The following DIP2A variants were observed in gnomAD, a reference collection of about 807,000 sequenced individuals.
DIP2A encodes the protein disco-interacting protein 2 homolog A.
DIP2A carries 85 observed loss-of-function variants against 177.4 expected under a neutral mutation model. The observed-to-expected ratio is 0.48, with a 90% CI of 0.40 to 0.57. The LOEUF is 0.57. Ranked by LOEUF, DIP2A falls within the 20% of genes least tolerant of loss-of-function variation. DIP2A has a pLI of 0.00. For missense variants in DIP2A, 1,791 were observed against 2,100.2 expected, an observed-to-expected ratio of 0.85 and a Z score of 2.88; for synonymous variants, 886 against 881.8, an observed-to-expected ratio of 1.00 and a Z score of -0.08.
At chr21:46,462,638 A>G (rs565314646) in intron 1 of DIP2A, 1 of 152,306 alleles carries the variant, frequency 6.6e-6, no homozygotes, top group African/African-American at 2.4e-5. Flanking sequence ...AAATAGTGTA[A>G]CTTTTTTATA....
At position 46,495,361 on chromosome 21, in the gene DIP2A, C is replaced by A. The variant is rs184391381; in HGVS notation, c.284-1627C>A. 2.0e-5 allele frequency among the ~76,000 whole-genome samples: 3 copies of A among 151,414 alleles called. No individual in the cohort carries two copies. In the East Asian group the frequency reaches 5.9e-4, roughly 30 times the overall value. The stretch of plus-strand genomic sequence containing the variant: ...TCGGCTCACCACAATCTCTGCCTCC[C>A]GGGTTCAAACGATTTTCCTGCCTCA... On this transcript the variant is annotated intron_variant, in intron 3 of 37. Coordinates refer to ENST00000417564, the MANE Select transcript of DIP2A (RefSeq NM_015151.4).
chr21:46,551,764 A>T, intron 24 of DIP2A, 21 bp downstream of exon 24: 1 of 1,613,452 alleles, frequency 6.2e-7, no homozygotes, highest in Non-Finnish European at 8.5e-7. Context: ...AGTTCCGGGG[A>T]CGGGTGGACG....
chr21:46,546,023 A>T (rs757839336), intron 20 of DIP2A, 62 bp downstream of exon 20: 1 of 1,610,264 alleles, frequency 6.2e-7, no homozygotes, highest in Admixed American at 1.7e-5. Context: ...TGGCTAAGGG[A>T]CACCTCGTTG....
rs1458831074 is a variant in DIP2A at position 46,459,093 on chromosome 21, C to G, written c.-39C>G. The G allele has an allele frequency of 1.4e-6, 2 of 1,422,512 alleles. No individual in the cohort carries two copies. The highest frequency in any genetic ancestry group is 1.8e-6 in the Non-Finnish European group (2 of 1,090,628). The allele number at this position is 1,422,512 out of a possible 1,614,324, so 88.1% of individuals were successfully genotyped here. ...TTGCGCTGCCGCCGCCAGGCCCGGT[C>G]CGGTTCCAGCCTCTGCCCGGACGCT... On this transcript the variant is annotated 5_prime_UTR_variant, in exon 1 of 38. Transcript: ENST00000417564.
chr21:46,554,036 C>A, intron 25 of DIP2A, 133 bp from the exon 26 acceptor site: 1 of 1,244,250 alleles, frequency 8.0e-7, no homozygotes, highest in Non-Finnish European at 1.1e-6. Context: ...CTAGGACTGA[C>A]ACATTGTCAT....
intron 9 of DIP2A, among the ~76,000 whole-genome samples, chr21:46,531,762 G>C (rs2059366907): frequency 1.3e-5 from 2 of 152,208 alleles, no homozygotes; most frequent in Admixed American, 1.3e-4. Flanking sequence ...TAGTCTGAAG[G>C]TTATAGGTTA....
intron 9 of DIP2A, among the ~76,000 whole-genome samples, chr21:46,529,605 G>GAA (rs111985953): frequency 4.2e-4 from 51 of 120,106 alleles, no homozygotes; most frequent in Admixed American, 1.1e-3. Context: ...GTCTCAAAGA[G>GAA]AAAAAAAAAA....
At position 46,549,836 on chromosome 21, in the gene DIP2A, C is replaced by A; in HGVS notation, c.2588C>A (p.Pro863Gln). 6.2e-7 allele frequency: 1 copy of A among 1,613,174 alleles called. No homozygotes were observed. The highest frequency in any genetic ancestry group is 8.5e-7 in the Non-Finnish European group (1 of 1,179,980). Reference sequence around the variant, plus strand: ...ATTGTCCTGGTGGCTGAGCAGCGGCCGGATGCCTCGGAGGAGGACAGCTTC... The same window carrying A: ...ATTGTCCTGGTGGCTGAGCAGCGGCAGGATGCCTCGGAGGAGGACAGCTTC... ...DRIVLVAEQR[P>Q]DASEEDSFQW... The change falls in exon 22 of 38, where the codon CCG becomes CAG. Residue 863 changes from proline to glutamine, a missense_variant. Pro to Gln is a moderately conservative substitution (Grantham distance 76). Transcript: ENST00000417564.
intron 3 of DIP2A, among the ~76,000 whole-genome samples, chr21:46,493,211 G>A (rs2057122071): frequency 1.3e-5 from 2 of 152,202 alleles, no homozygotes; most frequent in Non-Finnish European, 2.9e-5. Context: ...ACGTGGGCTG[G>A]TTTTGTTTCT....
chr21:46,539,927 C>T lies in DIP2A; in HGVS notation c.1972C>T (p.Leu658=), dbSNP rs1269059175. Residue 658 remains leucine, a synonymous_variant, in exon 17 of 38, where the codon CTG becomes TTG. Coordinates refer to ENST00000417564, the MANE Select transcript of DIP2A (RefSeq NM_015151.4). The part of the protein sequence containing the change: ...AFLNVFQSRG[L]RPEVICPCAS... ...CCTCAACGTCTTCCAGTCCAGAGGT[C>T]TGAGGCCAGAGGTCATCTGTCCTTG... 4.3e-6 allele frequency: 7 copies of T among 1,613,918 alleles called. No individual in the cohort carries two copies. The highest frequency in any genetic ancestry group is 5.9e-6 in the Non-Finnish European group (7 of 1,179,910).
chr21:46,537,090 G>A lies in DIP2A; in HGVS notation c.1643-134G>A. 1 of 814,676 alleles carries A rather than the reference G, an allele frequency of 1.2e-6. No homozygotes were observed. The highest frequency in any genetic ancestry group is 1.8e-5 in the Admixed American group (1 of 55,156). 50.5% of individuals were successfully genotyped at this position (814,676 alleles called of 1,614,324 possible). On this transcript the variant is annotated intron_variant, in intron 13 of 37. Transcript: ENST00000417564. The surrounding 1 kb of genome is among the most constrained non-coding windows in gnomAD (Gnocchi z 4.1). ...CCAGGATTATTATTAATTGGTATGT[G>A]GTATTTGGAAATGCTGTATCTGTTC...
intron 1 of DIP2A, among the ~76,000 whole-genome samples, chr21:46,477,415 T>C (rs2055947966): frequency 6.6e-6 from 1 of 150,954 alleles, no homozygotes; most frequent in Admixed American, 6.6e-5. Context: ...TAATCCCAGC[T>C]ACTTGGGAGG....
chr21:46,531,300 C>A (rs1246812007), intron 9 of DIP2A, among the ~76,000 whole-genome samples: 1 of 151,916 alleles, frequency 6.6e-6, no homozygotes, highest in Non-Finnish European at 1.5e-5. Flanking sequence ...GGAAAATGAC[C>A]CACCAGTAGG....
intron 32 of DIP2A, among the ~76,000 whole-genome samples, chr21:46,559,904 C>T (rs1443207896): frequency 6.6e-6 from 1 of 152,194 alleles, no homozygotes; most frequent in Non-Finnish European, 1.5e-5. Flanking sequence ...CTCTGTGCTT[C>T]CCCCTCCCAT....
At chr21:46,483,279 GT>G (rs1404184111) in intron 1 of DIP2A, among the ~76,000 whole-genome samples, 3 of 151,062 alleles carry the variant, frequency 2.0e-5, no homozygotes. Flanking sequence ...CTATAAAAAA[GT>G]TTCTAAAAGA....
At chr21:46,461,333 A>G (rs1463686471) in intron 1 of DIP2A, among the ~76,000 whole-genome samples, 1 of 146,650 alleles carries the variant, frequency 6.8e-6, no homozygotes, top group Non-Finnish European at 1.5e-5. Context: ...TGGTGATTAG[A>G]TGCTCCTAGG....
intron 1 of DIP2A, among the ~76,000 whole-genome samples, chr21:46,464,844 T>TTTTTTTTTTTTTTTTTTTCCC (rs58546395): frequency 9.0e-6 from 1 of 111,218 alleles, no homozygotes; most frequent in African/African-American, 4.2e-5. Context: ...TTTTTTTTTT[T>TTTTTTTTTTTTTTTTTTTCCC]CAAGAAAACA....
intron 1 of DIP2A, chr21:46,469,431 TAAGAG>T (rs1443787090): frequency 6.6e-6 from 1 of 152,186 alleles, no homozygotes; most frequent in African/African-American, 2.4e-5. Flanking sequence ...AGAAAAAACT[TAAGAG>T]GAGACTGAGA....
chr21:46,517,488 G>T (rs760870438), intron 8 of DIP2A, among the ~76,000 whole-genome samples: 3 of 152,158 alleles, frequency 2.0e-5, no homozygotes, highest in Non-Finnish European at 4.4e-5. Flanking sequence ...GTGGCTGGCT[G>T]GTCGCTGCAG....
Sources: allele counts gnomAD v4.1 joint callset (sites outside exome capture counted in the v4.1 genomes callset), GRCh38; gene constraint gnomAD v4.1.1; non-coding constraint Gnocchi (gnomAD v3.1); transcripts MANE v1.5; gene names NCBI Gene and HGNC (gene_info 2026-07-23, HGNC 2026-07-21).